Variants in NKD2 observed in about 807,000 individuals in gnomAD.
The protein encoded by NKD2 is NKD inhibitor of Wnt signaling pathway 2, also known as protein naked cuticle homolog 2.
A neutral mutation model predicts 34.8 loss-of-function variants in NKD2; 43 were observed. The observed-to-expected ratio is 1.24, with a 90% confidence interval of 0.97 to 1.60. NKD2 has a LOEUF of 1.60. Among genes scored for constraint, NKD2 ranks in the 40% most tolerant of loss-of-function variants. NKD2 has a pLI of 0.00. For synonymous variants in NKD2, 278 were observed against 265.1 expected (o/e 1.05, Z -0.47); for missense variants, 675 against 627.1 (o/e 1.08, Z -0.82).
chr5:1,017,216 T>A (rs1375479760), intron 3 of NKD2, among the ~76,000 whole-genome samples: 1 of 152,124 alleles, frequency 6.6e-6, no homozygotes, highest in Admixed American at 6.5e-5. Context: ...GTGGCTGGCG[T>A]CTGGGCCTCA....
At chr5:1,012,636 G>C (rs928874110) in intron 3 of NKD2, among the ~76,000 whole-genome samples, 4 of 152,250 alleles carry the variant, frequency 2.6e-5, no homozygotes, top group Non-Finnish European at 5.9e-5. Context: ...TCTGCCCTCA[G>C]CATGGCCTTG....
intron 3 of NKD2, among the ~76,000 whole-genome samples, chr5:1,021,938 C>T (rs998061722): frequency 3.3e-5 from 5 of 152,306 alleles, no homozygotes; most frequent in Non-Finnish European, 7.4e-5. Context: ...GCTCCGGGCC[C>T]CTCCCCCAGG....
Position 1,037,833 on chromosome 5 carries a change from G to C in NKD2, c.816G>C (p.Glu272Asp). Reference protein sequence around the residue: ...PGSPPVQAKQEPQGRASHLQA... With the variant: ...PGSPPVQAKQDPQGRASHLQA... ...CCCCTCCTGTGCAAGCAAAGCAGGA[G>C]CCCCAGGGCAGGGCCTCGCACCTCC... The change falls in exon 10 of 10, where the codon GAG (glutamate) becomes GAC (aspartate). Residue 272 changes from glutamate (E) to aspartate (D), a missense_variant. Coordinates refer to ENST00000296849, the MANE Select transcript of NKD2 (RefSeq NM_033120.4). 1.3e-6 allele frequency: 2 copies of C among 1,583,436 alleles called. No individual in the cohort carries two copies. The highest frequency in any genetic ancestry group is 1.7e-6 in the Non-Finnish European group (2 of 1,168,584).
chr5:1,017,157 C>T (rs997511548), intron 3 of NKD2, among the ~76,000 whole-genome samples: 11 of 152,234 alleles, frequency 7.2e-5, no homozygotes, highest in Admixed American at 6.5e-4. Flanking sequence ...AAGCTGCTGC[C>T]CCTGGTGGCC....
At chr5:1,029,313 T>TTGGTGTAG (rs1756547391) in intron 3 of NKD2, among the ~76,000 whole-genome samples, 1 of 152,220 alleles carries the variant, frequency 6.6e-6, no homozygotes, top group Non-Finnish European at 1.5e-5. Context: ...CATGGGCTGG[T>TTGGTGTAG]TGGTGTAGTA....
rs1419303951 is a variant in NKD2, at chr5:1,035,464, C to T, written c.650C>T (p.Ala217Val). ...EPRVADRRLS[A>V]HVRRPSTDPQ... ...AGGGTGGCTGACAGGAGGTTGTCTG[C>T]ACACGTCAGGTGAGGGCTGGGGTGC... is the stretch of plus-strand genomic sequence containing the variant. The change falls in exon 8 of 10, where the codon GCA becomes GTA. Residue 217 changes from alanine to valine, a missense_variant. Physicochemically the swap from Ala to Val is moderately conservative, Grantham distance 64. Transcript: ENST00000296849. 4 of 1,554,570 alleles carry T rather than the reference C, an allele frequency of 2.6e-6. No homozygotes were observed. Among genetic ancestry groups the T allele is most frequent in the Non-Finnish European group, 3.5e-6 (4 of 1,148,952 alleles).
chr5:1,025,913 GCGTCCCAGCCCATTGTCCC>G lies in NKD2; in HGVS notation c.142-6238_142-6220del, dbSNP rs1282418576. On this transcript the variant is annotated intron_variant, in intron 3 of 9. Coordinates refer to ENST00000296849, the MANE Select transcript of NKD2 (RefSeq NM_033120.4). ...TCCCTGCTCTTCCCACCCTCTGTGG[GCGTCCCAGCCCATTGTCCC>G]TGCTCTTCCCACCCGCTGTGGGCGT... Among the ~76,000 whole-genome samples the G allele has an allele frequency of 2.4e-3, 287 of 117,808 alleles. 2 individuals carry two copies. The highest frequency in any genetic ancestry group is 3.5e-3 in the Non-Finnish European group (203 of 58,112). The allele number at this position is 117,808 out of a possible 152,430, so 77.3% of individuals were successfully genotyped here.
chr5:1,038,922 G>A lies in NKD2; in HGVS notation c.*549G>A, dbSNP rs143988606. ...GCAGGAGGCCAAGCAGCAGAAGGCA[G>A]CAGTGCTAGAAAGAGAAGTGCCAGA... On this transcript the variant is annotated 3_prime_UTR_variant, in exon 10 of 10. Coordinates refer to ENST00000296849, the MANE Select transcript of NKD2 (RefSeq NM_033120.4). This position sits in a 1 kb window ranked among gnomAD's most constrained non-coding sequence, Gnocchi z 4.5. 21 of 207,792 alleles carry A rather than the reference G, an allele frequency of 1.0e-4. No individual in the cohort carries two copies. The highest frequency in any genetic ancestry group is 6.1e-4 in the African/African-American group (13 of 21,332). 12.9% of individuals were successfully genotyped at this position (207,792 alleles called of 1,614,324 possible). A position where few individuals can be genotyped will look rare whatever the true frequency, so the allele number is the denominator to read the frequency against.
chr5:1,021,951 C>T (rs973485013), intron 3 of NKD2, among the ~76,000 whole-genome samples: 9 of 152,298 alleles, frequency 5.9e-5, no homozygotes, highest in African/African-American at 1.4e-4. Flanking sequence ...CCCCCAGGGC[C>T]GCCTGCAGCC....
intron 4 of NKD2, 62 bp downstream of exon 4, chr5:1,032,274 A>G (rs1011893225): frequency 2.2e-6 from 3 of 1,344,062 alleles, no homozygotes; most frequent in Non-Finnish European, 3.2e-6. Context: ...GTACCAAGGC[A>G]ACGCCGAAAA....
intron 3 of NKD2, among the ~76,000 whole-genome samples, chr5:1,019,712 C>T (rs940212498): frequency 2.6e-5 from 4 of 152,172 alleles, no homozygotes; most frequent in Admixed American, 2.0e-4. Flanking sequence ...GTAAGGACAT[C>T]GACGTTGCAT....
At chr5:1,017,229 G>A (rs1232132091) in intron 3 of NKD2, among the ~76,000 whole-genome samples, 2 of 152,174 alleles carry the variant, frequency 1.3e-5, no homozygotes, top group East Asian at 1.9e-4. Context: ...GGGCCTCAGC[G>A]TCCTGGGGTC....
intron 8 of NKD2, 50 bp from the exon 9 acceptor site, chr5:1,036,207 G>A (rs1733910357): frequency 6.7e-7 from 1 of 1,483,130 alleles, no homozygotes. Context: ...CATCAGGGGT[G>A]CGCCACCCAG....
chr5:1,027,281 C>G (rs1387676266), intron 3 of NKD2, among the ~76,000 whole-genome samples: 2 of 152,230 alleles, frequency 1.3e-5, no homozygotes, highest in Admixed American at 6.5e-5. Context: ...GCCTATGGAT[C>G]TAGGGGTGCC....
intron 3 of NKD2, among the ~76,000 whole-genome samples, chr5:1,019,464 C>T (rs995610474): frequency 5.3e-5 from 8 of 152,246 alleles, no homozygotes; most frequent in African/African-American, 1.2e-4. Context: ...TCTGCAGCCT[C>T]GGCCAATAGC....
chr5:1,037,449 T>C (rs1734041050), intron 9 of NKD2: 2 of 1,339,742 alleles, frequency 1.5e-6, no homozygotes, highest in East Asian at 2.5e-5. Context: ...GTAATGAGGG[T>C]TTAGGGGATG....
intron 3 of NKD2, among the ~76,000 whole-genome samples, chr5:1,022,310 C>T (rs1756234585): frequency 1.1e-5 from 1 of 88,154 alleles, no homozygotes; most frequent in African/African-American, 3.6e-5. Flanking sequence ...GTGTCCCAGC[C>T]CTTTGTCCCT....
At chr5:1,027,232 G>A (rs1286000731) in intron 3 of NKD2, among the ~76,000 whole-genome samples, 2 of 152,248 alleles carry the variant, frequency 1.3e-5, no homozygotes, top group East Asian at 3.8e-4. Context: ...AGTGCAAGGT[G>A]GCCAAGGCGC....
intron 3 of NKD2, among the ~76,000 whole-genome samples, chr5:1,030,052 A>AGGTT (rs1756585390): frequency 6.8e-6 from 1 of 147,026 alleles, no homozygotes; most frequent in Non-Finnish European, 1.5e-5. Context: ...GGGCTTCACC[A>AGGTT]CACAGGTCCC....
Sources: gnomAD v4.1 joint callset for allele counts (sites outside exome capture counted in the v4.1 genomes callset) on GRCh38, gnomAD v4.1.1 for gene constraint, Gnocchi (gnomAD v3.1) non-coding constraint, MANE v1.5 for transcripts, NCBI Gene and HGNC (gene_info 2026-07-23, HGNC 2026-07-21) for gene names.